ERAP1: variants seen among roughly 807,000 people sequenced by gnomAD.
ERAP1 encodes the protein endoplasmic reticulum aminopeptidase 1, also known as adipocyte-derived leucine aminopeptidase.
In ERAP1, 86 loss-of-function variants were observed where a neutral mutation model predicts 103.7. That is an observed-to-expected ratio of 0.83 (90% CI 0.70 to 0.99). The LOEUF (loss-of-function observed/expected upper bound fraction) is 0.99. ERAP1 is among the 50% of genes least tolerant of loss of function. The pLI is 0.00. For synonymous variants in ERAP1, 398 were observed against 402.4 expected, an observed-to-expected ratio of 0.99 and a Z score of 0.13; for missense variants, 1,009 against 1,128.4, an observed-to-expected ratio of 0.89 and a Z score of 1.52.
intron 1 of ERAP1, among the ~76,000 whole-genome samples, chr5:96,806,851 G>GAA (rs61277270): frequency 0.28 from 40,995 of 144,510 alleles, 6,106 homozygotes; most frequent in Non-Finnish European, 0.35. Flanking sequence ...GGATTAATTT[G>GAA]AAAAAAAAAA....
At chr5:96,842,136 A>C in the ERAP1 span, among the ~76,000 whole-genome samples, 1 of 152,134 alleles carries the variant, frequency 6.6e-6, no homozygotes, top group African/African-American at 2.4e-5. Context: ...TTTATGGCCG[A>C]GTAGTATTCC....
chr5:96,868,105 A>G, the ERAP1 span, among the ~76,000 whole-genome samples: 7 of 152,112 alleles, frequency 4.6e-5, no homozygotes, highest in Non-Finnish European at 7.4e-5. Flanking sequence ...AAACAAACAA[A>G]AAAACTCTAT....
the ERAP1 span, among the ~76,000 whole-genome samples, chr5:96,894,532 T>C: frequency 1.3e-5 from 2 of 152,130 alleles, no homozygotes; most frequent in Non-Finnish European, 2.9e-5. Flanking sequence ...GCATATAGAC[T>C]AAATAAATAA....
chr5:96,761,998 A>G (rs1231158611), exon 20 of ERAP1: 7 of 252,126 alleles, frequency 2.8e-5, no homozygotes, highest in Non-Finnish European at 5.3e-5. Flanking sequence ...GTACAACAGG[A>G]AATGTGTAAA....
chr5:96,879,905 A>C, the ERAP1 span: 5 of 1,614,134 alleles, frequency 3.1e-6, no homozygotes, highest in African/African-American at 1.3e-5. Context: ...CAGTGTGGTC[A>C]TTCCTCTCCA....
the ERAP1 span, chr5:96,902,309 GTTC>G: frequency 4.3e-6 from 7 of 1,612,454 alleles, no homozygotes; most frequent in African/African-American, 4.0e-5. Context: ...TACTCCACGA[GTTC>G]TTCTAATGTG....
chr5:96,890,744 T>C, the ERAP1 span, among the ~76,000 whole-genome samples: 2 of 152,318 alleles, frequency 1.3e-5, no homozygotes, highest in East Asian at 3.9e-4. Flanking sequence ...TCCAGGGACT[T>C]ATTTCGATAG....
chr5:96,765,166 G>C, intron 19 of ERAP1: 1 of 991,764 alleles, frequency 1.0e-6, no homozygotes, highest in Non-Finnish European at 1.6e-6. Context: ...GGGCTAATTT[G>C]CCTCTGATAC....
In ERAP1 at chr5:96,781,116, C is replaced by G. The variant is rs771824298; in HGVS notation, c.2530G>C (p.Val844Leu). 1.9e-6 allele frequency: 3 copies of G among 1,613,754 alleles called. No homozygotes were observed. Among genetic ancestry groups the G allele is most frequent in the Non-Finnish European group, 2.5e-6 (3 of 1,179,962 alleles). ...QILTLIGRNP[V>L]GYPLAWQFLR... ...AATTGCCAGGCCAGTGGGTATCCTA[C>G]TGGGTTCCTGCCAATGAGTGTAAGA... The change falls in exon 17 of 19, where the codon GTA becomes CTA. Residue 844 changes from valine to leucine, a missense_variant. Coordinates refer to ENST00000443439, the MANE Select transcript of ERAP1 (RefSeq NM_001040458.3).
chr5:96,853,960 A>G, the ERAP1 span, among the ~76,000 whole-genome samples: 1 of 152,160 alleles, frequency 6.6e-6, no homozygotes, highest in Non-Finnish European at 1.5e-5. Flanking sequence ...AGAGGAAGAA[A>G]CATTCATTTA....
chr5:96,860,458 T>C, the ERAP1 span, among the ~76,000 whole-genome samples: 1 of 152,148 alleles, frequency 6.6e-6, no homozygotes, highest in Non-Finnish European at 1.5e-5. Flanking sequence ...TTGTTTGTGG[T>C]GGTGATATTA....
chr5:96,858,137 G>T, the ERAP1 span, among the ~76,000 whole-genome samples: 1 of 151,770 alleles, frequency 6.6e-6, no homozygotes, highest in Non-Finnish European at 1.5e-5. Flanking sequence ...AGATAATTTT[G>T]TATCTGATTA....
rs759234562 is a variant in ERAP1, at chr5:96,795,167, A to G, written c.799-5T>C. The stretch of plus-strand genomic sequence containing the variant: ...TGGCACAGCATAAACAGAAACCTAA[A>G]GAGAAAGGCACAGAAAGGAATTCAA... On this transcript the variant is annotated splice_region_variant and splice_polypyrimidine_tract_variant and intron_variant, in intron 4 of 18. Coordinates refer to ENST00000443439, the MANE Select transcript of ERAP1 (RefSeq NM_001040458.3). 1 of 1,613,356 alleles carries G rather than the reference A, an allele frequency of 6.2e-7. No homozygotes were observed. Among genetic ancestry groups the G allele is most frequent in the South Asian group, 1.1e-5 (1 of 91,076 alleles).
At chr5:96,798,715 T>A (rs1207791211) in intron 3 of ERAP1, among the ~76,000 whole-genome samples, 1 of 150,490 alleles carries the variant, frequency 6.6e-6, no homozygotes, top group Admixed American at 6.6e-5. Context: ...CACCTGGCCC[T>A]CATCCTTCTT....
chr5:96,926,670 CTTTT>C, the ERAP1 span, among the ~76,000 whole-genome samples: 1 of 152,124 alleles, frequency 6.6e-6, no homozygotes, highest in Non-Finnish European at 1.5e-5. Context: ...TCAGTACTTT[CTTTT>C]TATTGTTGAA....
upstream of ERAP1, among the ~76,000 whole-genome samples, chr5:96,810,337 A>C (rs1321769675): frequency 2.0e-5 from 3 of 152,194 alleles, no homozygotes; most frequent in Non-Finnish European, 2.9e-5. Flanking sequence ...GAAGGAAGGG[A>C]ACAGAGAGAA....
chr5:96,833,653 C>A, the ERAP1 span, among the ~76,000 whole-genome samples: 10 of 152,114 alleles, frequency 6.6e-5, no homozygotes, highest in East Asian at 1.9e-3. Context: ...TAGCAATTAG[C>A]CGAGCATGGT....
intron 3 of ERAP1, 112 bp downstream of exon 3, chr5:96,800,750 G>T: frequency 2.7e-6 from 3 of 1,129,528 alleles, no homozygotes; most frequent in South Asian, 1.3e-5. Flanking sequence ...GTAACGATCT[G>T]CCAGGCAATA....
At chr5:96,811,621 C>A (rs1371718098), upstream of ERAP1, among the ~76,000 whole-genome samples, 1 of 152,192 alleles carries the variant, frequency 6.6e-6, no homozygotes, top group Non-Finnish European at 1.5e-5. Flanking sequence ...TTTGATTTAG[C>A]CAGTTGGAGT....
Sources: allele counts gnomAD v4.1 joint callset (sites outside exome capture counted in the v4.1 genomes callset), GRCh38; gene constraint gnomAD v4.1.1; transcripts MANE v1.5; gene names NCBI Gene and HGNC (gene_info 2026-07-23, HGNC 2026-07-21).